PRKDC: variants seen among roughly 807,000 people sequenced by gnomAD.
PRKDC encodes protein kinase, DNA-activated, catalytic subunit.
Under a neutral mutation model 486.9 loss-of-function variants are expected in PRKDC, and 82 were observed. The ratio of observed to expected loss-of-function variants is 0.17; its 90% CI spans 0.14 to 0.20. The LOEUF (loss-of-function observed/expected upper bound fraction) is 0.20, where lower values mean the gene tolerates loss of function less well. PRKDC is among the 10% of genes least tolerant of loss of function. PRKDC has a pLI of 1.00. For synonymous variants in PRKDC, 1,895 were observed against 1,837.0 expected (o/e 1.03, Z -0.81); for missense variants, 4,504 against 5,038.2 (o/e 0.89, Z 3.21).
rs546676316 is a variant in PRKDC, at chr8:47,935,682, T to C, written c.1447+50A>G. 18 of 1,563,044 alleles carry C rather than the reference T, an allele frequency of 1.2e-5. No homozygotes were observed. The African/African-American group carries it at 1.8e-4, about 15-fold the overall frequency. On this transcript the variant is annotated intron_variant, in intron 13 of 85. Coordinates refer to ENST00000314191, the MANE Select transcript of PRKDC (RefSeq NM_006904.7). ...GATTCTCTTTACCTATATCAAATAA[T>C]GTGTTAATTATCCATCATTACTCAT... is the stretch of plus-strand genomic sequence containing the variant.
chr8:47,936,215 T>G, intron 12 of PRKDC, 138 bp downstream of exon 12: 3 of 984,344 alleles, frequency 3.0e-6, no homozygotes, highest in Non-Finnish European at 4.3e-6. Context: ...ACAATAATTC[T>G]ATTGCCACAA....
At chr8:47,864,911 C>A in intron 40 of PRKDC, 148 bp from the exon 41 acceptor site, 1 of 634,504 alleles carries the variant, frequency 1.6e-6, no homozygotes, top group Non-Finnish European at 2.5e-6. Context: ...ATCCACAAAA[C>A]ACAAAAAGCA....
At chr8:47,910,454 T>C (rs192628850) in intron 25 of PRKDC, among the ~76,000 whole-genome samples, 120 of 152,280 alleles carry the variant, frequency 7.9e-4, no homozygotes, top group African/African-American at 2.7e-3. Context: ...CCCCCTACCA[T>C]AGACACAATT....
intron 76 of PRKDC, among the ~76,000 whole-genome samples, chr8:47,788,452 G>A (rs1339936271): frequency 6.6e-6 from 1 of 152,208 alleles, no homozygotes; most frequent in African/African-American, 2.4e-5. Flanking sequence ...CTCTTGGTGA[G>A]CAGTTTTGTC....
At chr8:47,811,489 G>GT (rs1045217660) in intron 68 of PRKDC, among the ~76,000 whole-genome samples, 4 of 152,176 alleles carry the variant, frequency 2.6e-5, no homozygotes, top group African/African-American at 9.7e-5. Context: ...GTACAGTGTG[G>GT]TAAGTATAAT....
intron 7 of PRKDC, 80 bp from the exon 8 acceptor site, chr8:47,944,109 T>C: frequency 8.9e-7 from 1 of 1,121,410 alleles, no homozygotes; most frequent in African/African-American, 1.6e-5. Context: ...TTGACACCTA[T>C]ATTAACCCCA....
At chr8:47,930,097 C>T in intron 17 of PRKDC, 85 bp from the exon 18 acceptor site, 1 of 1,182,782 alleles carries the variant, frequency 8.5e-7, no homozygotes. Context: ...AACAACTAAG[C>T]TACAAACCCA....
intron 58 of PRKDC, 38 bp downstream of exon 58, chr8:47,836,300 G>A (rs1249674358): frequency 3.3e-6 from 5 of 1,499,836 alleles, no homozygotes; most frequent in Non-Finnish European, 4.5e-6. Context: ...AGAGGTCAGG[G>A]TGCTGTATAC....
chr8:47,883,143 A>C (rs2089257414), intron 36 of PRKDC, among the ~76,000 whole-genome samples: 1 of 152,182 alleles, frequency 6.6e-6, no homozygotes, highest in South Asian at 2.1e-4. Context: ...GGCATGTCTA[A>C]AACATCTGTA....
intron 68 of PRKDC, among the ~76,000 whole-genome samples, chr8:47,809,808 G>C (rs2087292409): frequency 6.6e-6 from 1 of 152,184 alleles, no homozygotes; most frequent in South Asian, 2.1e-4. Flanking sequence ...TGTATGCGCA[G>C]GGAAATCAAA....
In PRKDC at chr8:47,803,383, C is replaced by T. The variant is rs758666662; in HGVS notation, c.9845G>A (p.Arg3282His). 48 of 1,613,856 alleles carry T rather than the reference C, an allele frequency of 3.0e-5. No individual in the cohort carries two copies. The highest frequency in any genetic ancestry group is 2.4e-5 in the Non-Finnish European group (28 of 1,179,896). The part of the protein sequence containing the change: ...WLVSWVQSYC[R>H]LSHCRSRSQG... ...GGACCGGCTCCGGCAGTGGCTCAGGCGGCAGTAGCTCTGCACCCAGCTCAC... is the reference window on the plus strand; with the variant it reads ...GGACCGGCTCCGGCAGTGGCTCAGGTGGCAGTAGCTCTGCACCCAGCTCAC... The change falls in exon 70 of 86, where the codon CGC (arginine) becomes CAC (histidine). Residue 3282 changes from arginine to histidine, a missense_variant. Arg to His is a conservative substitution (Grantham distance 29). Transcript: ENST00000314191.
intron 40 of PRKDC, among the ~76,000 whole-genome samples, chr8:47,877,086 G>A (rs2089106827): frequency 6.6e-6 from 1 of 152,172 alleles, no homozygotes; most frequent in Non-Finnish European, 1.5e-5. Flanking sequence ...AAGGGCTAGA[G>A]GAAGAAGTTC....
chr8:47,830,706 C>A lies in PRKDC; in HGVS notation c.8296G>T (p.Asp2766Tyr), dbSNP rs970763407. ...CTTCTGTACAGAACGACCTGGGCATCCTGCTTCATTTTTAACTCACTCTTG... is the reference window on the plus strand; with the variant it reads ...CTTCTGTACAGAACGACCTGGGCATACTGCTTCATTTTTAACTCACTCTTG... Reference protein sequence around the residue: ...EIKSELKMKQDAQVVLYRSYR... With the variant: ...EIKSELKMKQYAQVVLYRSYR... Residue 2766 changes from aspartate to tyrosine, a missense_variant, in exon 61 of 86, where the codon GAT becomes TAT. Asp to Tyr is a radical substitution (Grantham distance 160). Transcript: ENST00000314191. 1.2e-6 allele frequency: 2 copies of A among 1,613,758 alleles called. No homozygotes were observed. Among genetic ancestry groups the A allele is most frequent in the Non-Finnish European group, 1.7e-6 (2 of 1,179,888 alleles).
chr8:47,836,302 G>C, intron 58 of PRKDC, 36 bp downstream of exon 58: 1 of 1,507,300 alleles, frequency 6.6e-7, no homozygotes, highest in Non-Finnish European at 8.9e-7. Context: ...AGGTCAGGGT[G>C]CTGTATACAT....
At chr8:47,858,432 G>C in intron 48 of PRKDC, 84 bp downstream of exon 48, 1 of 1,252,328 alleles carries the variant, frequency 8.0e-7, no homozygotes, top group Non-Finnish European at 1.1e-6. Flanking sequence ...TATATTCATA[G>C]AATTGCAATT....
At position 47,782,618 on chromosome 8, in the gene PRKDC, A is replaced by C. The variant is rs931645427; in HGVS notation, c.11176-20T>G. 3 of 1,549,904 alleles carry C rather than the reference A, an allele frequency of 1.9e-6. No homozygotes were observed. Among genetic ancestry groups the C allele is most frequent in the Non-Finnish European group, 2.6e-6 (3 of 1,146,838 alleles). The stretch of plus-strand genomic sequence containing the variant: ...TGTCACCTTCAAAAATCAGAATGTC[A>C]TCTCAGGGCACAGGCTAGCCACGTG... On this transcript the variant is annotated intron_variant, in intron 78 of 85. Coordinates refer to ENST00000314191, the MANE Select transcript of PRKDC (RefSeq NM_006904.7). This position sits in a 1 kb window ranked among gnomAD's most constrained non-coding sequence, Gnocchi z 4.9.
chr8:47,820,962 T>A lies in PRKDC; in HGVS notation c.9112-19A>T, dbSNP rs371303455. 155 of 1,471,680 alleles carry A rather than the reference T, an allele frequency of 1.1e-4. 1 individual carries two copies. Among genetic ancestry groups the A allele is most frequent in the African/African-American group, 6.5e-4 (47 of 71,802 alleles). The allele number at this position is 1,471,680 out of a possible 1,614,324, so 91.2% of individuals were successfully genotyped here. A position where few individuals can be genotyped will look rare whatever the true frequency, so the allele number is the denominator to read the frequency against. ...ATGTTTCCTAAGGAACATAAAAATA[T>A]ACTTGTAACTACAGAAGGCCAATTT... On this transcript the variant is annotated intron_variant, in intron 65 of 85. Coordinates refer to ENST00000314191, the MANE Select transcript of PRKDC (RefSeq NM_006904.7).
At chr8:47,917,133 T>C (rs2089998182) in intron 22 of PRKDC, among the ~76,000 whole-genome samples, 1 of 152,132 alleles carries the variant, frequency 6.6e-6, no homozygotes, top group South Asian at 2.1e-4. Flanking sequence ...CACATGCCTG[T>C]GGTCCCAGCT....
chr8:47,893,932 C>G (rs1432568798), intron 30 of PRKDC, among the ~76,000 whole-genome samples: 1 of 152,098 alleles, frequency 6.6e-6, no homozygotes, highest in African/African-American at 2.4e-5. Flanking sequence ...CTGAAAATGT[C>G]AAATCATTCT....
Sources: gnomAD v4.1 joint callset for allele counts (sites outside exome capture counted in the v4.1 genomes callset) on GRCh38, gnomAD v4.1.1 for gene constraint, Gnocchi (gnomAD v3.1) non-coding constraint, MANE v1.5 for transcripts, NCBI Gene and HGNC (gene_info 2026-07-23, HGNC 2026-07-21) for gene names.